The following BSPRY variants were observed in gnomAD, a reference collection of about 807,000 sequenced individuals.
The protein encoded by BSPRY is B-box and SPRY domain containing.
A neutral mutation model predicts 38.0 loss-of-function variants in BSPRY; 33 were observed. That is an observed-to-expected ratio of 0.87 (90% CI 0.66 to 1.16). BSPRY has a LOEUF of 1.16. BSPRY is among the 50% of genes most tolerant of loss of function. The pLI is 0.00. For missense variants in BSPRY, 523 were observed against 533.2 expected, an observed-to-expected ratio of 0.98 and a Z score of 0.19; for synonymous variants, 224 against 228.5, an observed-to-expected ratio of 0.98 and a Z score of 0.18.
chr9:113,366,153 G>T (rs1158849516), intron 4 of BSPRY, among the ~76,000 whole-genome samples: 1 of 151,954 alleles, frequency 6.6e-6, no homozygotes, highest in Non-Finnish European at 1.5e-5. Flanking sequence ...TTTTTCCTTT[G>T]CCCTCTCCCT....
intron 4 of BSPRY, among the ~76,000 whole-genome samples, chr9:113,364,528 CATTT>C (rs1350138966): frequency 6.6e-6 from 1 of 152,082 alleles, no homozygotes; most frequent in Non-Finnish European, 1.5e-5. Context: ...TCAAATGATT[CATTT>C]ATTCAAATGA....
chr9:113,352,645 T>A (rs186396235), intron 1 of BSPRY, among the ~76,000 whole-genome samples: 5 of 152,288 alleles, frequency 3.3e-5, no homozygotes, highest in Middle Eastern at 6.8e-3. Context: ...CAGGTGGGGC[T>A]AGGTTGGCTA....
intron 4 of BSPRY, among the ~76,000 whole-genome samples, chr9:113,363,876 CAAAAAAAAAAAAAAAAA>C (rs57026104): frequency 5.3e-5 from 2 of 37,540 alleles, no homozygotes; most frequent in African/African-American, 8.6e-5. Flanking sequence ...GACTCCACCT[CAAAAAAAAAAAAAAAAA>C]AAAAAAAAAA....
At chr9:113,358,832 C>T (rs1303771852) in intron 2 of BSPRY, among the ~76,000 whole-genome samples, 1 of 152,140 alleles carries the variant, frequency 6.6e-6, no homozygotes, top group Non-Finnish European at 1.5e-5. Context: ...TTCAGGGGCT[C>T]ACCCTGTGGG....
Position 113,360,757 on chromosome 9 carries a change from G to A in BSPRY, c.531+20G>A. ...CTGATTGTAAGTCAGGCAAGGGTGAGGGCATGACCAGTTGGCCAGGCTCCC... is the reference window on the plus strand; with the variant it reads ...CTGATTGTAAGTCAGGCAAGGGTGAAGGCATGACCAGTTGGCCAGGCTCCC... On this transcript the variant is annotated intron_variant, in intron 3 of 5. Coordinates refer to ENST00000374183, the MANE Select transcript of BSPRY (RefSeq NM_017688.3). The A allele has an allele frequency of 6.5e-7, 1 of 1,548,496 alleles. No individual in the cohort carries two copies. The highest frequency in any genetic ancestry group is 8.8e-7 in the Non-Finnish European group (1 of 1,141,764).
chr9:113,350,253 C>A (rs1833950939), intron 1 of BSPRY, among the ~76,000 whole-genome samples: 1 of 152,094 alleles, frequency 6.6e-6, no homozygotes, highest in African/African-American at 2.4e-5. Flanking sequence ...TGATAAAATC[C>A]AGCGCGACCG....
intron 4 of BSPRY, among the ~76,000 whole-genome samples, chr9:113,363,907 A>AT (rs1834199166): frequency 3.0e-5 from 4 of 134,210 alleles, no homozygotes; most frequent in Non-Finnish European, 6.2e-5. Context: ...AAAAAAAAAA[A>AT]GCTGGGCGTG....
intron 3 of BSPRY, 70 bp downstream of exon 3, chr9:113,360,807 G>A: frequency 7.7e-7 from 1 of 1,295,582 alleles, no homozygotes; most frequent in Non-Finnish European, 1.1e-6. Context: ...TATCGAGAAT[G>A]TTTGTCGGTA....
At position 113,362,238 on chromosome 9, in the gene BSPRY, C is replaced by T. The variant is rs552726568; in HGVS notation, c.532-131C>T. ...GTAGAATAGCCTAGAAAGCTTTATG[C>T]TGGTCTTAAAGACTAGAAGTTTTTA... is the stretch of plus-strand genomic sequence containing the variant. On this transcript the variant is annotated intron_variant, in intron 3 of 5. Transcript: ENST00000374183. 188 of 709,046 alleles carry T rather than the reference C, an allele frequency of 2.7e-4. No homozygotes were observed. The African/African-American group carries it at 3.1e-3, about 12-fold the overall frequency. 43.9% of individuals were successfully genotyped at this position (709,046 alleles called of 1,614,324 possible). A position where few individuals can be genotyped will look rare whatever the true frequency, so the allele number is the denominator to read the frequency against.
Position 113,354,303 on chromosome 9 carries a change from G to T in BSPRY, c.265G>T (p.Ala89Ser), listed in dbSNP as rs764616023. 1.9e-6 allele frequency: 3 copies of T among 1,614,176 alleles called. No individual in the cohort carries two copies. The highest frequency in any genetic ancestry group is 3.3e-5 in the Admixed American group (2 of 60,018). ...GAGTGCTGCCATCACCAAGTATGTG[G>T]CGGACGTCCTGCCGGGGAAGAATCA... is the stretch of plus-strand genomic sequence containing the variant. ...LQSAAITKYV[A>S]DVLPGKNQRA... Residue 89 changes from alanine (A) to serine (S), a missense_variant, in exon 2 of 6, where the codon GCG (alanine) becomes TCG (serine). Transcript: ENST00000374183.
intron 4 of BSPRY, among the ~76,000 whole-genome samples, chr9:113,364,299 C>T (rs1242094173): frequency 6.6e-6 from 1 of 152,080 alleles, no homozygotes; most frequent in Non-Finnish European, 1.5e-5. Context: ...ATTCACGTCA[C>T]TTTTTTGAAA....
chr9:113,359,395 C>G (rs962088132), intron 2 of BSPRY, among the ~76,000 whole-genome samples: 1 of 152,222 alleles, frequency 6.6e-6, no homozygotes, highest in Admixed American at 6.5e-5. Flanking sequence ...CTTAGCTAGT[C>G]TCTCCTCCCT....
rs1834346882 is a variant in BSPRY, at chr9:113,371,122, A to G, written c.*980A>G. ...CCTACCTGATGGCCCCCTCTGACATAAACTGCACACCTGGGGTGATGGCTT... is the reference window on the plus strand; with the variant it reads ...CCTACCTGATGGCCCCCTCTGACATGAACTGCACACCTGGGGTGATGGCTT... On this transcript the variant is annotated 3_prime_UTR_variant, in exon 6 of 6. Coordinates refer to ENST00000374183, the MANE Select transcript of BSPRY (RefSeq NM_017688.3). The G allele has an allele frequency of 1.3e-5, 2 of 152,294 alleles. No homozygotes were observed. The highest frequency in any genetic ancestry group is 1.3e-4 in the Admixed American group (2 of 15,286). The allele number at this position is 152,294 out of a possible 1,614,324, so 9.4% of individuals were successfully genotyped here.
At chr9:113,353,443 C>T (rs1005263156) in intron 1 of BSPRY, among the ~76,000 whole-genome samples, 4 of 152,090 alleles carry the variant, frequency 2.6e-5, no homozygotes, top group African/African-American at 9.7e-5. Context: ...TGGCTCACAC[C>T]TGTAATCCCA....
At chr9:113,368,444 G>A (rs962014305) in intron 5 of BSPRY, 61 bp downstream of exon 5, 2 of 1,579,956 alleles carry the variant, frequency 1.3e-6, no homozygotes, top group East Asian at 2.3e-5. Context: ...TCTGTCTGGG[G>A]TTCACTCCTG....
At chr9:113,362,032 A>G (rs1344748978) in intron 3 of BSPRY, among the ~76,000 whole-genome samples, 1 of 152,228 alleles carries the variant, frequency 6.6e-6, no homozygotes, top group African/African-American at 2.4e-5. Context: ...AAGACTCAGA[A>G]AGAGTCGCAG....
intron 2 of BSPRY, among the ~76,000 whole-genome samples, chr9:113,359,287 A>G (rs1305895794): frequency 6.6e-6 from 1 of 152,184 alleles, no homozygotes; most frequent in Non-Finnish European, 1.5e-5. Context: ...AAATCTACAC[A>G]CTACCTCTAA....
chr9:113,349,732 C>G lies in BSPRY; in HGVS notation c.153C>G (p.Cys51Trp). 3 of 1,239,224 alleles carry G rather than the reference C, an allele frequency of 2.4e-6. No individual in the cohort carries two copies. The highest frequency in any genetic ancestry group is 3.2e-4 in the Middle Eastern group (1 of 3,172). The allele number at this position is 1,239,224 out of a possible 1,614,324, so 76.8% of individuals were successfully genotyped here. A position where few individuals can be genotyped will look rare whatever the true frequency, so the allele number is the denominator to read the frequency against. The change falls in exon 1 of 6, where the codon TGC becomes TGG. Residue 51 changes from cysteine to tryptophan, a missense_variant. Coordinates refer to ENST00000374183, the MANE Select transcript of BSPRY (RefSeq NM_017688.3). ...CAACAGLGGR[C>W]RGHRIRRAEE... is the part of the protein sequence containing the mutation. ...CCTGCGCGGGGTTGGGCGGTCGCTG[C>G]CGGGGGCACCGCATCCGCCGGGCGG...
At chr9:113,366,912 GAT>G (rs1406727200) in intron 4 of BSPRY, among the ~76,000 whole-genome samples, 1 of 152,234 alleles carries the variant, frequency 6.6e-6, no homozygotes, top group Non-Finnish European at 1.5e-5. Flanking sequence ...AGAGCCATGA[GAT>G]ATGGGGAGAG....
Sources: gnomAD v4.1 joint callset for allele counts (sites outside exome capture counted in the v4.1 genomes callset) on GRCh38, gnomAD v4.1.1 for gene constraint, MANE v1.5 for transcripts, NCBI Gene and HGNC (gene_info 2026-07-23, HGNC 2026-07-21) for gene names.